CLMN: variants seen among roughly 807,000 people sequenced by gnomAD.
CLMN encodes the protein calmin (calponin-like, transmembrane).
CLMN carries 57 observed loss-of-function variants against 92.7 expected under a neutral mutation model. The observed-to-expected ratio is 0.61, with a 90% CI of 0.50 to 0.77. The LOEUF (loss-of-function observed/expected upper bound fraction) is 0.77, where lower values mean the gene tolerates loss of function less well. Among genes scored for constraint, CLMN ranks in the 30% least tolerant of loss-of-function variants. CLMN has a pLI of 0.00. For missense variants in CLMN, 1,158 were observed against 1,237.5 expected (o/e 0.94, Z 0.96); for synonymous variants, 466 against 470.6 (o/e 0.99, Z 0.13).
At position 95,319,881 on chromosome 14, in the gene CLMN, G is replaced by A. The variant is rs1263105227; in HGVS notation, c.-89C>T. 5 of 640,474 alleles carry A rather than the reference G, an allele frequency of 7.8e-6. No homozygotes were observed. Among genetic ancestry groups the A allele is most frequent in the African/African-American group, 2.6e-5 (1 of 38,736 alleles). 39.7% of individuals were successfully genotyped at this position (640,474 alleles called of 1,614,324 possible). A position where few individuals can be genotyped will look rare whatever the true frequency, so the allele number is the denominator to read the frequency against. ...GCGGGCGCGCGAGCGGCACGCACCC[G>A]GCGAGGGCGCCGCGGAGCTGGAGTC... On this transcript the variant is annotated 5_prime_UTR_variant, in exon 1 of 13. Transcript: ENST00000298912.
At position 95,189,361 on chromosome 14, in the gene CLMN, A is replaced by G. The variant is rs1015453460; in HGVS notation, c.*2203T>C. The G allele has an allele frequency of 3.3e-5, 5 of 152,116 alleles. No homozygotes were observed. The highest frequency in any genetic ancestry group is 1.2e-4 in the African/African-American group (5 of 41,458). The allele number at this position is 152,116 out of a possible 1,614,324, so 9.4% of individuals were successfully genotyped here. On this transcript the variant is annotated 3_prime_UTR_variant, in exon 13 of 13. Coordinates refer to ENST00000298912, the MANE Select transcript of CLMN (RefSeq NM_024734.4). ...GCCTTATTGTATTTCTTTTAATTTA[A>G]AAAAAATTTACAAGCAATGGGGTGG... is the stretch of plus-strand genomic sequence containing the variant.
At position 95,319,793 on chromosome 14, in the gene CLMN, G is replaced by C. The variant is rs1268171421; in HGVS notation, c.-1C>G. ...ACCAGTCCCACTCGTGTGCAGCCAT[G>C]AAGCGCGGGCGGGAGAGCCCGGGCC... On this transcript the variant is annotated 5_prime_UTR_variant, in exon 1 of 13. Transcript: ENST00000298912. 1.2e-5 allele frequency: 19 copies of C among 1,539,818 alleles called. No homozygotes were observed. The highest frequency in any genetic ancestry group is 1.9e-5 in the Admixed American group (1 of 53,312).
intron 1 of CLMN, among the ~76,000 whole-genome samples, chr14:95,289,020 T>C: frequency 6.6e-6 from 1 of 152,120 alleles, no homozygotes; most frequent in East Asian, 1.9e-4. Flanking sequence ...GGAATCACAA[T>C]AGGGGTTACC....
rs1240743268 is a variant in CLMN at position 95,242,281 on chromosome 14, T to TG, written c.83-12149dup. On this transcript the variant is annotated intron_variant, in intron 1 of 12. Coordinates refer to ENST00000298912, the MANE Select transcript of CLMN (RefSeq NM_024734.4). ...TTTTTTTTTTTTTTTTTTTTTGAGA[T>TG]GGAGTCAGGCTCTGTTGCCCAGGCT... 3.6e-5 allele frequency among the ~76,000 whole-genome samples: 5 copies of TG among 137,104 alleles called. No homozygotes were observed. In the East Asian group the frequency reaches 1.1e-3, roughly 30 times the overall value. 89.9% of individuals were successfully genotyped at this position (137,104 alleles called of 152,430 possible). A position where few individuals can be genotyped will look rare whatever the true frequency, so the allele number is the denominator to read the frequency against.
chr14:95,304,163 C>T (rs957648607), intron 1 of CLMN, among the ~76,000 whole-genome samples: 5 of 152,160 alleles, frequency 3.3e-5, no homozygotes, highest in South Asian at 4.2e-4. Context: ...CATAGTGAGA[C>T]TTTGTCTCTA....
At chr14:95,266,635 C>T (rs1395583809) in intron 1 of CLMN, among the ~76,000 whole-genome samples, 1 of 152,134 alleles carries the variant, frequency 6.6e-6, no homozygotes, top group African/African-American at 2.4e-5. Context: ...GATTTACAGA[C>T]TCAGTGCAAT....
At chr14:95,248,111 GAA>G (rs575224309) in intron 1 of CLMN, among the ~76,000 whole-genome samples, 4 of 131,800 alleles carry the variant, frequency 3.0e-5, no homozygotes, top group African/African-American at 5.5e-5. Context: ...AACTGCAAAT[GAA>G]AAAAAAAAAA....
intron 1 of CLMN, among the ~76,000 whole-genome samples, chr14:95,254,173 C>T (rs1898903086): frequency 6.6e-6 from 1 of 152,146 alleles, no homozygotes; most frequent in African/African-American, 2.4e-5. Flanking sequence ...CCTTTCTCAC[C>T]CATCGTGCAG....
chr14:95,313,681 A>G (rs1013659843), intron 1 of CLMN, among the ~76,000 whole-genome samples: 1 of 151,936 alleles, frequency 6.6e-6, no homozygotes, highest in Non-Finnish European at 1.5e-5. Flanking sequence ...AAAAATTTAT[A>G]AAAAGGTTTC....
At chr14:95,272,964 G>A (rs1899773191) in intron 1 of CLMN, among the ~76,000 whole-genome samples, 2 of 152,176 alleles carry the variant, frequency 1.3e-5, no homozygotes, top group African/African-American at 2.4e-5. Context: ...GCAGCCAGCC[G>A]CTTTCCCTTC....
At chr14:95,297,155 C>G (rs1459317715) in intron 1 of CLMN, among the ~76,000 whole-genome samples, 3 of 152,146 alleles carry the variant, frequency 2.0e-5, no homozygotes, top group African/African-American at 7.2e-5. Context: ...CAAAGTAAGC[C>G]TATGCCTGGG....
intron 1 of CLMN, among the ~76,000 whole-genome samples, chr14:95,243,400 C>A (rs1439781250): frequency 1.3e-5 from 2 of 152,054 alleles, no homozygotes; most frequent in Non-Finnish European, 2.9e-5. Context: ...AGTCAGGGAG[C>A]CCTACTTGAA....
At chr14:95,216,605 G>A (rs1167061667) in intron 4 of CLMN, among the ~76,000 whole-genome samples, 1 of 152,220 alleles carries the variant, frequency 6.6e-6, no homozygotes, top group Non-Finnish European at 1.5e-5. Context: ...AGCAGTCACG[G>A]ACTGTGGTGG....
chr14:95,251,394 C>T (rs1199907185), intron 1 of CLMN, among the ~76,000 whole-genome samples: 1 of 152,196 alleles, frequency 6.6e-6, no homozygotes, highest in Non-Finnish European at 1.5e-5. Flanking sequence ...GGTCTTTGCA[C>T]TCTTTAAAAC....
chr14:95,245,185 TATATATATA>T (rs1156361136), intron 1 of CLMN, among the ~76,000 whole-genome samples: 6 of 42,246 alleles, frequency 1.4e-4, no homozygotes, highest in African/African-American at 6.9e-4. Context: ...TATATATATA[TATATATATA>T]ATATATATAT....
At chr14:95,312,375 C>G (rs1258476040) in intron 1 of CLMN, among the ~76,000 whole-genome samples, 2 of 152,144 alleles carry the variant, frequency 1.3e-5, no homozygotes, top group South Asian at 2.1e-4. Flanking sequence ...TAAAACGTAC[C>G]CCAGGCAGTC....
rs775643420 is a variant in CLMN, at chr14:95,203,455, G to A, written c.1894C>T (p.His632Tyr). 2 of 1,614,140 alleles carry A rather than the reference G, an allele frequency of 1.2e-6. No individual in the cohort carries two copies. The highest frequency in any genetic ancestry group is 1.7e-6 in the Non-Finnish European group (2 of 1,180,026). ...TCAGCTTCTTCTCCGGAGTCCTGAT[G>A]AGGTTCATGTTTGTCCATCTTAACT... ...PQVKMDKHEP[H>Y]QDSGEEAEGC... is the part of the protein sequence containing the mutation. Residue 632 changes from histidine to tyrosine, a missense_variant, in exon 9 of 13, where the codon CAT becomes TAT. By Grantham distance (83) the His-to-Tyr change is moderately conservative. Transcript: ENST00000298912.
At chr14:95,222,986 G>T (rs1025640145) in intron 3 of CLMN, among the ~76,000 whole-genome samples, 4 of 152,188 alleles carry the variant, frequency 2.6e-5, no homozygotes, top group African/African-American at 9.6e-5. Context: ...ACAATGGGTT[G>T]CCAAGGCCAA....
chr14:95,210,999 G>A, intron 6 of CLMN, 120 bp from the exon 7 acceptor site: 4 of 944,120 alleles, frequency 4.2e-6, no homozygotes, highest in Middle Eastern at 3.4e-4. Context: ...GACCTCGCCA[G>A]GTGAAGACGC....
Sources: allele counts gnomAD v4.1 joint callset (sites outside exome capture counted in the v4.1 genomes callset), GRCh38; gene constraint gnomAD v4.1.1; transcripts MANE v1.5; gene names NCBI Gene and HGNC (gene_info 2026-07-23, HGNC 2026-07-21).